UNC13C: variants seen among roughly 807,000 people sequenced by gnomAD.
The protein encoded by UNC13C is unc-13 homolog C.
Under a neutral mutation model 245.4 loss-of-function variants are expected in UNC13C, and 174 were observed. The observed-to-expected ratio is 0.71, with a 90% confidence interval of 0.63 to 0.80. The LOEUF is 0.80. Ranked by LOEUF, UNC13C falls within the 30% of genes least tolerant of loss-of-function variation. The pLI is 0.00. For synonymous variants in UNC13C, 992 were observed against 895.1 expected (o/e 1.11, Z -1.93); for missense variants, 2,829 against 2,602.9 (o/e 1.09, Z -1.89).
intron 1 of UNC13C, among the ~76,000 whole-genome samples, chr15:53,981,195 A>G (rs963217822): frequency 2.6e-5 from 4 of 152,184 alleles, no homozygotes; most frequent in African/African-American, 4.8e-5. Flanking sequence ...AAACCCTGCC[A>G]TAACTTCTCT....
chr15:53,887,895 A>G, the UNC13C span, among the ~76,000 whole-genome samples: 22 of 152,068 alleles, frequency 1.4e-4, no homozygotes, highest in Non-Finnish European at 2.4e-4. Flanking sequence ...ATCCCTTTTT[A>G]TGGCTTCATA....
intron 26 of UNC13C, among the ~76,000 whole-genome samples, chr15:54,539,011 G>GA (rs1234559027): frequency 2.0e-5 from 3 of 151,168 alleles, no homozygotes; most frequent in Admixed American, 6.6e-5. Context: ...AGTTGGAAAG[G>GA]AAAAAAAAGT....
chr15:54,252,137 G>T (rs1193986189), intron 8 of UNC13C, among the ~76,000 whole-genome samples: 1 of 151,950 alleles, frequency 6.6e-6, no homozygotes, highest in African/African-American at 2.4e-5. Context: ...AGCATATTAG[G>T]GCAATGACAT....
chr15:54,449,148 T>G (rs1253050731), intron 19 of UNC13C, among the ~76,000 whole-genome samples: 1 of 152,254 alleles, frequency 6.6e-6, no homozygotes, highest in Non-Finnish European at 1.5e-5. Flanking sequence ...AGATCCACTG[T>G]TAGTCTTATG....
chr15:54,542,207 T>C (rs1367746348), intron 26 of UNC13C, among the ~76,000 whole-genome samples: 1 of 152,050 alleles, frequency 6.6e-6, no homozygotes, highest in African/African-American at 2.4e-5. Flanking sequence ...AAAGTTATTT[T>C]TCATTGTTTT....
At chr15:54,497,642 G>A (rs1433734657) in intron 20 of UNC13C, among the ~76,000 whole-genome samples, 2 of 152,052 alleles carry the variant, frequency 1.3e-5, no homozygotes, top group African/African-American at 4.8e-5. Flanking sequence ...AGTGCTGAAG[G>A]GACAAATGTT....
chr15:54,297,184 T>C (rs2037458821), intron 11 of UNC13C, among the ~76,000 whole-genome samples: 1 of 152,210 alleles, frequency 6.6e-6, no homozygotes, highest in South Asian at 2.1e-4. Context: ...GATTGCCAAA[T>C]AACTTATTTA....
At chr15:54,501,107 CA>C (rs1894191485) in intron 22 of UNC13C, 129 bp downstream of exon 22, 10 of 863,172 alleles carry the variant, frequency 1.2e-5, no homozygotes, top group Admixed American at 5.6e-5. Context: ...CTAGTAAATT[CA>C]GTTGTTTCCA....
intron 4 of UNC13C, among the ~76,000 whole-genome samples, chr15:54,156,976 T>C (rs2032777319): frequency 6.6e-6 from 1 of 151,836 alleles, no homozygotes; most frequent in African/African-American, 2.4e-5. Flanking sequence ...TGTGGGTGGG[T>C]GTGGCCAACC....
At chr15:54,304,727 A>G (rs1314868114) in intron 13 of UNC13C, among the ~76,000 whole-genome samples, 1 of 150,924 alleles carries the variant, frequency 6.6e-6, no homozygotes, top group Non-Finnish European at 1.5e-5. Flanking sequence ...TCCCTTGTCT[A>G]ATTAACTTTG....
At chr15:54,196,214 T>C (rs1224986260) in intron 4 of UNC13C, among the ~76,000 whole-genome samples, 1 of 152,114 alleles carries the variant, frequency 6.6e-6, no homozygotes, top group South Asian at 2.1e-4. Context: ...ATAAGGGAAC[T>C]TTTTACAGGT....
Position 54,363,281 on chromosome 15 carries a change from G to A in UNC13C, c.4713+24792G>A, listed in dbSNP as rs752222088. Among the ~76,000 whole-genome samples the A allele has an allele frequency of 5.3e-5, 8 of 152,198 alleles. No individual in the cohort carries two copies. The East Asian group carries it at 1.4e-3, about 26-fold the overall frequency. On this transcript the variant is annotated intron_variant, in intron 17 of 32. Coordinates refer to ENST00000260323, the MANE Select transcript of UNC13C (RefSeq NM_001080534.3). ...ATGCCAGCCCACCCAGCCAATTTTTGTATTTTTATTAGACACGGGGTTTTG... is the reference window on the plus strand; with the variant it reads ...ATGCCAGCCCACCCAGCCAATTTTTATATTTTTATTAGACACGGGGTTTTG...
intron 19 of UNC13C, among the ~76,000 whole-genome samples, chr15:54,474,526 T>C (rs1319264784): frequency 6.6e-6 from 1 of 151,988 alleles, no homozygotes; most frequent in Non-Finnish European, 1.5e-5. Context: ...TAATTATTTG[T>C]TGTGTTTGTT....
chr15:54,069,795 C>G (rs1213490803), intron 2 of UNC13C, among the ~76,000 whole-genome samples: 1 of 152,188 alleles, frequency 6.6e-6, no homozygotes, highest in Non-Finnish European at 1.5e-5. Flanking sequence ...GATTCTGCAG[C>G]AGTTACTGGA....
intron 2 of UNC13C, among the ~76,000 whole-genome samples, chr15:54,109,501 C>T (rs545991941): frequency 6.6e-6 from 1 of 151,588 alleles, no homozygotes; most frequent in African/African-American, 2.4e-5. Context: ...ACCACCACGC[C>T]CAGCTAATTT....
chr15:54,584,218 CAG>C (rs1269713103), intron 30 of UNC13C, among the ~76,000 whole-genome samples: 1 of 152,126 alleles, frequency 6.6e-6, no homozygotes, highest in Admixed American at 6.5e-5. Context: ...TAAATCGCAA[CAG>C]AAAGTTTGGT....
chr15:54,469,492 AC>A (rs1406012234), intron 19 of UNC13C, among the ~76,000 whole-genome samples: 1 of 151,266 alleles, frequency 6.6e-6, no homozygotes, highest in Non-Finnish European at 1.5e-5. Context: ...TGGTTCCAGG[AC>A]CCCCTGTAGA....
At chr15:54,609,599 G>A (rs923036851) in intron 30 of UNC13C, among the ~76,000 whole-genome samples, 1 of 152,108 alleles carries the variant, frequency 6.6e-6, no homozygotes, top group African/African-American at 2.4e-5. Context: ...CAGATAATAT[G>A]AGAGTGTATG....
intron 4 of UNC13C, among the ~76,000 whole-genome samples, chr15:54,221,572 G>A (rs1208568336): frequency 6.6e-6 from 1 of 151,888 alleles, no homozygotes; most frequent in African/African-American, 2.4e-5. Flanking sequence ...AGAGTTGTTT[G>A]TAAAAGTCTA....
Sources: gnomAD v4.1 joint callset for allele counts (sites outside exome capture counted in the v4.1 genomes callset) on GRCh38, gnomAD v4.1.1 for gene constraint, MANE v1.5 for transcripts, NCBI Gene and HGNC (gene_info 2026-07-23, HGNC 2026-07-21) for gene names.